NWD2: variants seen among roughly 807,000 people sequenced by gnomAD.
The protein encoded by NWD2 is NACHT and WD repeat domain-containing protein 2.
NWD2 carries 37 observed loss-of-function variants against 132.7 expected under a neutral mutation model. The observed-to-expected ratio is 0.28, with a 90% CI of 0.21 to 0.37. The LOEUF is 0.37. Ranked by LOEUF, NWD2 falls within the 10% of genes least tolerant of loss-of-function variation. The pLI is 1.00. For synonymous variants in NWD2, 705 were observed against 803.0 expected (o/e 0.88, Z 2.06); for missense variants, 1,592 against 2,122.4 (o/e 0.75, Z 4.91).
chr4:37,383,799 G>T lies in NWD2; in HGVS notation c.357+27317G>T, dbSNP rs114574531. ...GAACGTTTTTAGTAAGTTTGCAAAA[G>T]TTTTCTGGGTTTTTGCGCCCTCTAG... is the stretch of plus-strand genomic sequence containing the variant. On this transcript the variant is annotated intron_variant, in intron 3 of 6. Coordinates refer to ENST00000309447, the MANE Select transcript of NWD2 (RefSeq NM_001144990.2). 9.2e-3 allele frequency among the ~76,000 whole-genome samples: 1,399 copies of T among 152,204 alleles called. 20 individuals are homozygous for T. Among genetic ancestry groups the T allele is most frequent in the African/African-American group, 0.032 (1,343 of 41,524 alleles).
rs1720289516 is a variant in NWD2, at chr4:37,374,072, G to A, written c.357+17590G>A. ...GAATCCTGTTGAAATGTGATCCCCAGTATTGGAGATGGGGCCCAGTGGGAA... is the reference window on the plus strand; with the variant it reads ...GAATCCTGTTGAAATGTGATCCCCAATATTGGAGATGGGGCCCAGTGGGAA... On this transcript the variant is annotated intron_variant, in intron 3 of 6. Transcript: ENST00000309447. Among the ~76,000 whole-genome samples the A allele has an allele frequency of 2.6e-5, 4 of 152,204 alleles. No individual in the cohort carries two copies. The South Asian group carries it at 6.2e-4, about 24-fold the overall frequency.
At chr4:37,338,806 C>G (rs1038835699) in intron 2 of NWD2, among the ~76,000 whole-genome samples, 22 of 152,202 alleles carry the variant, frequency 1.4e-4, no homozygotes, top group Admixed American at 7.9e-4. Context: ...CTTCTCTGGA[C>G]ATGTGTTTTT....
intron 1 of NWD2, among the ~76,000 whole-genome samples, chr4:37,287,466 A>C (rs757788515): frequency 6.6e-6 from 1 of 152,182 alleles, no homozygotes; most frequent in African/African-American, 2.4e-5. Context: ...GGAGCCAGGG[A>C]GACTGGATGG....
chr4:37,382,946 G>A (rs1003215708), intron 3 of NWD2, among the ~76,000 whole-genome samples: 2 of 151,702 alleles, frequency 1.3e-5, no homozygotes, highest in Non-Finnish European at 2.9e-5. Flanking sequence ...CACCCACCTT[G>A]ACCTCCCAAA....
chr4:37,431,185 G>T (rs1712168310), intron 4 of NWD2, among the ~76,000 whole-genome samples: 1 of 152,156 alleles, frequency 6.6e-6, no homozygotes, highest in South Asian at 2.1e-4. Flanking sequence ...GTCTTGAAGA[G>T]ATATCCACAC....
intron 3 of NWD2, among the ~76,000 whole-genome samples, chr4:37,429,729 A>G (rs1450133621): frequency 1.3e-5 from 2 of 152,234 alleles, no homozygotes; most frequent in Non-Finnish European, 2.9e-5. Context: ...CATCCTTTGA[A>G]TGAACATTTA....
intron 2 of NWD2, among the ~76,000 whole-genome samples, chr4:37,337,083 A>C (rs2109293096): frequency 6.6e-6 from 1 of 152,296 alleles, no homozygotes; most frequent in Admixed American, 6.5e-5. Context: ...TGCAACTTTC[A>C]AAACTGCTGT....
In NWD2 at chr4:37,438,372, G is replaced by T. The variant is rs73133783; in HGVS notation, c.707-429G>T. The stretch of plus-strand genomic sequence containing the variant: ...TGGTGAGGTCACTTTGTTAAGGAAA[G>T]ACTGACAAGAAACGGTTAACTAGTT... On this transcript the variant is annotated intron_variant, in intron 5 of 6. Coordinates refer to ENST00000309447, the MANE Select transcript of NWD2 (RefSeq NM_001144990.2). Among the ~76,000 whole-genome samples, 360 of 152,222 alleles carry T rather than the reference G, an allele frequency of 2.4e-3. 4 individuals are homozygous for T. Among genetic ancestry groups the T allele is most frequent in the African/African-American group, 8.4e-3 (350 of 41,530 alleles).
At chr4:37,371,201 C>A (rs996446135) in intron 3 of NWD2, among the ~76,000 whole-genome samples, 1 of 151,364 alleles carries the variant, frequency 6.6e-6, no homozygotes, top group Non-Finnish European at 1.5e-5. Context: ...CCTCCACCTC[C>A]CAAGTACCTG....
Position 37,446,485 on chromosome 4 carries a change from G to A in NWD2, c.4497G>A (p.Ser1499=), listed in dbSNP as rs73133793. ...DCPDIIVFIT[S]AETVNIWSLT... ...CTGATATCATCGTGTTTATCACATCGGCCGAGACTGTGAACATCTGGAGTC... is the reference window on the plus strand; with the variant it reads ...CTGATATCATCGTGTTTATCACATCAGCCGAGACTGTGAACATCTGGAGTC... Residue 1499 remains serine, a synonymous_variant, in exon 7 of 7, where the codon TCG becomes TCA. Coordinates refer to ENST00000309447, the MANE Select transcript of NWD2 (RefSeq NM_001144990.2). This position sits in a 1 kb window ranked among gnomAD's most constrained non-coding sequence, Gnocchi z 6.7. 3.9e-4 allele frequency: 600 copies of A among 1,551,590 alleles called. No individual in the cohort carries two copies. The highest frequency in any genetic ancestry group is 3.8e-3 in the African/African-American group (278 of 73,116).
intron 1 of NWD2, among the ~76,000 whole-genome samples, chr4:37,288,000 G>A (rs990704133): frequency 3.9e-5 from 6 of 152,186 alleles, no homozygotes; most frequent in Admixed American, 6.5e-5. Context: ...ATGAGATCAT[G>A]TCCTTTTCAG....
chr4:37,311,992 C>T (rs1039207713), intron 1 of NWD2, among the ~76,000 whole-genome samples: 7 of 151,696 alleles, frequency 4.6e-5, no homozygotes, highest in African/African-American at 1.7e-4. Flanking sequence ...ATCTATATCT[C>T]TGTTTTGGTA....
intron 2 of NWD2, among the ~76,000 whole-genome samples, chr4:37,346,888 A>C (rs1719648428): frequency 1.3e-5 from 2 of 152,120 alleles, no homozygotes; most frequent in African/African-American, 4.8e-5. Context: ...GTATAGAAAT[A>C]GGTTTTTGTA....
chr4:37,320,837 A>T (rs535888255), intron 1 of NWD2, among the ~76,000 whole-genome samples: 1 of 152,264 alleles, frequency 6.6e-6, no homozygotes, highest in Admixed American at 6.5e-5. Context: ...TTCTAAGCAG[A>T]TTTTCTGAGC....
chr4:37,434,598 G>A (rs1376820259), intron 5 of NWD2, among the ~76,000 whole-genome samples: 2 of 152,012 alleles, frequency 1.3e-5, no homozygotes, highest in Non-Finnish European at 2.9e-5. Flanking sequence ...AGATTTAGAT[G>A]AGGTGGGCAA....
At chr4:37,323,134 T>A (rs930595352) in intron 1 of NWD2, among the ~76,000 whole-genome samples, 8 of 152,176 alleles carry the variant, frequency 5.3e-5, no homozygotes, top group African/African-American at 1.7e-4. Context: ...TTTCATAGGG[T>A]TGTGGTCAGC....
Position 37,342,217 on chromosome 4 carries a change from A to G in NWD2, c.241-14149A>G, listed in dbSNP as rs192376147. Among the ~76,000 whole-genome samples the G allele has an allele frequency of 1.2e-3, 188 of 152,224 alleles. 2 individuals are homozygous for G. Among genetic ancestry groups the G allele is most frequent in the East Asian group, 9.7e-4 (5 of 5,172 alleles). On this transcript the variant is annotated intron_variant, in intron 2 of 6. Transcript: ENST00000309447. ...ATGGTAATGAGTGAGTTTTCATTCT[A>G]TCAGTTACCAGGAGATCTGGCTATT...
At chr4:37,403,182 C>G (rs7674150) in intron 3 of NWD2, among the ~76,000 whole-genome samples, 1,566 of 152,258 alleles carry the variant, frequency 0.01, 29 homozygotes, top group African/African-American at 0.035. Context: ...AGGCACTGTT[C>G]TAGGCATGAG....
intron 3 of NWD2, among the ~76,000 whole-genome samples, chr4:37,404,768 A>G (rs1720961616): frequency 1.3e-5 from 2 of 152,208 alleles, no homozygotes; most frequent in African/African-American, 4.8e-5. Context: ...GGGAACTTAC[A>G]ATTGTGGCAG....
Sources: allele counts gnomAD v4.1 joint callset (sites outside exome capture counted in the v4.1 genomes callset), GRCh38; gene constraint gnomAD v4.1.1; non-coding constraint Gnocchi (gnomAD v3.1); transcripts MANE v1.5; gene names NCBI Gene and HGNC (gene_info 2026-07-23, HGNC 2026-07-21).